The following SKIC8 variants were observed in gnomAD, a reference collection of about 807,000 sequenced individuals.
SKIC8 encodes the protein superkiller complex protein 8.
the SKIC8 span, chr15:78,299,530 C>G: frequency 6.5e-6 from 1 of 152,770 alleles, no homozygotes; most frequent in African/African-American, 2.4e-5. Flanking sequence ...CCTAATGACC[C>G]CAATCCCCAA....
the SKIC8 span, among the ~76,000 whole-genome samples, chr15:78,299,178 G>A: frequency 1.3e-5 from 2 of 152,188 alleles, no homozygotes; most frequent in African/African-American, 4.8e-5. Flanking sequence ...CCCGTCCAGT[G>A]ATGTCTGTAT....
At chr15:78,297,557 G>A in the SKIC8 span, among the ~76,000 whole-genome samples, 6 of 152,094 alleles carry the variant, frequency 3.9e-5, no homozygotes, top group African/African-American at 1.4e-4. Context: ...CCATAATTTC[G>A]AAGTTGCAAT....
At chr15:78,296,697 C>G in the SKIC8 span, among the ~76,000 whole-genome samples, 5 of 152,078 alleles carry the variant, frequency 3.3e-5, no homozygotes, top group African/African-American at 1.2e-4. Flanking sequence ...GAGATGGGGT[C>G]TCCCTATGTT....
the SKIC8 span, among the ~76,000 whole-genome samples, chr15:78,294,004 G>C: frequency 6.6e-6 from 1 of 152,138 alleles, no homozygotes; most frequent in South Asian, 2.1e-4. Flanking sequence ...ACCCCTGCCT[G>C]GCAACAATTC....
chr15:78,286,583 A>G, the SKIC8 span: 1 of 158,426 alleles, frequency 6.3e-6, no homozygotes, highest in African/African-American at 2.4e-5. Context: ...AGATGTATTC[A>G]TTATGACAGA....
chr15:78,289,147 G>A, the SKIC8 span, among the ~76,000 whole-genome samples: 7 of 152,158 alleles, frequency 4.6e-5, no homozygotes, highest in Non-Finnish European at 7.3e-5. Flanking sequence ...AGGTATGGTG[G>A]CTCATGTCTG....
the SKIC8 span, chr15:78,286,111 T>C: frequency 1.2e-6 from 2 of 1,613,490 alleles, no homozygotes; most frequent in South Asian, 2.2e-5. Flanking sequence ...CCGCTCAGCG[T>C]GCCAGCCAAA....
chr15:78,299,395 G>A, the SKIC8 span: 1 of 152,722 alleles, frequency 6.5e-6, no homozygotes, highest in Non-Finnish European at 1.5e-5. Flanking sequence ...GAACAGCCAG[G>A]GCAAATGGAG....
At chr15:78,284,955 G>GC in the SKIC8 span, 2 of 348,102 alleles carry the variant, frequency 5.7e-6, no homozygotes, top group Non-Finnish European at 5.3e-6. Flanking sequence ...CCAGGAGAGG[G>GC]CCCCAGACAC....
At chr15:78,286,020 C>T in the SKIC8 span, 13 of 1,600,660 alleles carry the variant, frequency 8.1e-6, no homozygotes, top group Non-Finnish European at 1.0e-5. Flanking sequence ...ATTTTAGAAA[C>T]TGCTAAGAAT....
At chr15:78,288,543 G>A in the SKIC8 span, among the ~76,000 whole-genome samples, 1 of 152,188 alleles carries the variant, frequency 6.6e-6, no homozygotes, top group East Asian at 1.9e-4. Context: ...TCCTCTTAAT[G>A]TTCTCAAAAC....
At chr15:78,288,266 G>C in the SKIC8 span, 2 of 1,605,978 alleles carry the variant, frequency 1.2e-6, no homozygotes, top group African/African-American at 1.3e-5. Flanking sequence ...AGTAGTAAGG[G>C]AGATGCCTTT....
At chr15:78,295,937 C>CTAATTCTA in the SKIC8 span, 1 of 416,626 alleles carries the variant, frequency 2.4e-6, no homozygotes, top group Non-Finnish European at 4.2e-6. Flanking sequence ...CAACTAACAG[C>CTAATTCTA]TAATTCTATC....
the SKIC8 span, among the ~76,000 whole-genome samples, chr15:78,287,387 G>A: frequency 2.0e-5 from 3 of 152,164 alleles, no homozygotes; most frequent in Non-Finnish European, 4.4e-5. Flanking sequence ...AGAAAAAACT[G>A]CATTTTAACC....
the SKIC8 span, among the ~76,000 whole-genome samples, chr15:78,296,895 G>C: frequency 6.6e-6 from 1 of 152,140 alleles, no homozygotes; most frequent in Non-Finnish European, 1.5e-5. Flanking sequence ...CTATGAAGTC[G>C]CTACAGACAC....
chr15:78,290,226 T>A, the SKIC8 span: 1 of 1,003,424 alleles, frequency 1.0e-6, no homozygotes, highest in Non-Finnish European at 1.4e-6. Context: ...CAGAAAATTA[T>A]GTTGTAAAGA....
the SKIC8 span, chr15:78,290,545 CTTTT>C: frequency 6.5e-6 from 1 of 154,052 alleles, no homozygotes; most frequent in Admixed American, 6.5e-5. Context: ...TCTCTCTTCT[CTTTT>C]TCTCTTCCTG....
At chr15:78,293,124 C>A in the SKIC8 span, 1 of 1,564,794 alleles carries the variant, frequency 6.4e-7, no homozygotes. Context: ...AAAACCTCAG[C>A]CCCCAATTTT....
chr15:78,293,008 G>T, the SKIC8 span: 1 of 817,002 alleles, frequency 1.2e-6, no homozygotes, highest in Non-Finnish European at 1.9e-6. Flanking sequence ...AGAGTAACAG[G>T]AAAACAAGTG....
Sources: gnomAD v4.1 joint callset for allele counts (sites outside exome capture counted in the v4.1 genomes callset) on GRCh38, gnomAD v4.1.1 for gene constraint, MANE v1.5 for transcripts, NCBI Gene and HGNC (gene_info 2026-07-23, HGNC 2026-07-21) for gene names.